The following ZDHHC17 variants were observed in gnomAD, a reference collection of about 807,000 sequenced individuals.
The protein encoded by ZDHHC17 is zDHHC palmitoyltransferase 17.
Under a neutral mutation model 90.3 loss-of-function variants are expected in ZDHHC17, and 40 were observed. The observed-to-expected ratio is 0.44, with a 90% CI of 0.34 to 0.58. ZDHHC17 has a LOEUF of 0.58. Among genes scored for constraint, ZDHHC17 ranks in the 20% least tolerant of loss-of-function variants. The pLI is 0.01. For missense variants in ZDHHC17, 614 were observed against 780.8 expected, an observed-to-expected ratio of 0.79 and a Z score of 2.55; for synonymous variants, 235 against 252.4, an observed-to-expected ratio of 0.93 and a Z score of 0.65.
intron 1 of ZDHHC17, chr12:76,769,084 G>T (rs1254113597): frequency 1.9e-5 from 8 of 426,148 alleles, no homozygotes; most frequent in Admixed American, 1.0e-4. Flanking sequence ...TTGAGATGGA[G>T]TTGCGCTCTT....
chr12:76,831,946 CAGTT>C (rs796297795), intron 10 of ZDHHC17, among the ~76,000 whole-genome samples: 1 of 152,146 alleles, frequency 6.6e-6, no homozygotes, highest in Non-Finnish European at 1.5e-5. Context: ...GCCTAGCTCA[CAGTT>C]TGTTTGAACA....
intron 10 of ZDHHC17, among the ~76,000 whole-genome samples, chr12:76,833,867 A>G (rs957835191): frequency 3.3e-5 from 5 of 152,286 alleles, no homozygotes; most frequent in East Asian, 1.9e-4. Context: ...ATGTAAGACC[A>G]AAGATTTATT....
chr12:76,774,050 G>C (rs1272526572), intron 1 of ZDHHC17, among the ~76,000 whole-genome samples: 1 of 152,074 alleles, frequency 6.6e-6, no homozygotes, highest in East Asian at 1.9e-4. Context: ...AGCAATTCCA[G>C]ACCAGCCTGG....
intron 10 of ZDHHC17, among the ~76,000 whole-genome samples, chr12:76,837,935 A>G (rs2137798398): frequency 6.6e-6 from 1 of 152,198 alleles, no homozygotes; most frequent in South Asian, 2.1e-4. Context: ...TTATAGGTGC[A>G]TGCCACCATG....
At chr12:76,807,708 G>C (rs773545297) in intron 3 of ZDHHC17, among the ~76,000 whole-genome samples, 6 of 152,100 alleles carry the variant, frequency 3.9e-5, no homozygotes, top group Non-Finnish European at 5.9e-5. Flanking sequence ...TCACTGACAT[G>C]GACCTAGTGA....
intron 7 of ZDHHC17, among the ~76,000 whole-genome samples, chr12:76,820,052 T>G (rs1361766811): frequency 6.6e-6 from 1 of 151,944 alleles, no homozygotes; most frequent in Non-Finnish European, 1.5e-5. Flanking sequence ...TTAAAATTGC[T>G]GTTTTCATCT....
intron 1 of ZDHHC17, among the ~76,000 whole-genome samples, chr12:76,786,471 G>A (rs1000749453): frequency 1.3e-5 from 2 of 152,014 alleles, no homozygotes; most frequent in African/African-American, 2.4e-5. Context: ...GGTCACACTG[G>A]TCTTGAACTC....
chr12:76,779,419 G>A (rs1318404537), intron 1 of ZDHHC17, among the ~76,000 whole-genome samples: 1 of 152,144 alleles, frequency 6.6e-6, no homozygotes, highest in African/African-American at 2.4e-5. Flanking sequence ...GCAAAGTCAC[G>A]TCTTACATGG....
rs921204587 is a variant in ZDHHC17 at position 76,831,625 on chromosome 12, C to T, written c.1141+3135C>T. On this transcript the variant is annotated intron_variant, in intron 10 of 16. Transcript: ENST00000426126. ...TCGGTCTTCCAAAGTGCTGGGATTA[C>T]AGGCGTGAGCCACTGTGCCTGGCCT... 2.0e-5 allele frequency among the ~76,000 whole-genome samples: 3 copies of T among 152,194 alleles called. No individual in the cohort carries two copies. The East Asian group carries it at 5.8e-4, about 29-fold the overall frequency.
rs536981651 is a variant in ZDHHC17, at chr12:76,815,836, T to G, written c.609-21T>G. On this transcript the variant is annotated intron_variant, in intron 6 of 16. Transcript: ENST00000426126. ...ATTAGGGTTGTTGTTGTTGTTTGTT[T>G]TTTTTTTTTTTCCTTTTCAGTGTGG... 86 of 1,435,600 alleles carry G rather than the reference T, an allele frequency of 6.0e-5. No individual in the cohort carries two copies. In the East Asian group the frequency reaches 1.9e-3, roughly 31 times the overall value. The allele number at this position is 1,435,600 out of a possible 1,614,324, so 88.9% of individuals were successfully genotyped here.
chr12:76,787,346 A>G (rs921994576), intron 1 of ZDHHC17, among the ~76,000 whole-genome samples: 2 of 152,196 alleles, frequency 1.3e-5, no homozygotes, highest in African/African-American at 4.8e-5. Context: ...AATTGGCCAT[A>G]TTCTATAATG....
At chr12:76,822,660 T>C in intron 8 of ZDHHC17, 129 bp downstream of exon 8, 3 of 703,966 alleles carry the variant, frequency 4.3e-6, no homozygotes, top group Non-Finnish European at 4.8e-6. Flanking sequence ...TTTAAAGTGA[T>C]TCTTGTGCCT....
intron 10 of ZDHHC17, among the ~76,000 whole-genome samples, chr12:76,839,035 C>A (rs1050866401): frequency 1.3e-5 from 2 of 152,168 alleles, no homozygotes; most frequent in Non-Finnish European, 2.9e-5. Flanking sequence ...TTGCTGTGTT[C>A]TCACATGGTG....
At chr12:76,771,914 A>C (rs1952496894) in intron 1 of ZDHHC17, among the ~76,000 whole-genome samples, 1 of 152,150 alleles carries the variant, frequency 6.6e-6, no homozygotes, top group African/African-American at 2.4e-5. Flanking sequence ...AATCAAACAC[A>C]ACTGGAACCT....
chr12:76,801,994 G>C (rs912979908), intron 2 of ZDHHC17, among the ~76,000 whole-genome samples: 5 of 152,078 alleles, frequency 3.3e-5, no homozygotes, highest in African/African-American at 1.2e-4. Flanking sequence ...ACAAATTATT[G>C]TTACGTCATA....
At chr12:76,795,997 G>T (rs1952815221) in intron 1 of ZDHHC17, among the ~76,000 whole-genome samples, 1 of 152,132 alleles carries the variant, frequency 6.6e-6, no homozygotes, top group Admixed American at 6.5e-5. Context: ...TATATGCTAA[G>T]CAGAATTTGC....
At chr12:76,850,512 G>A (rs908666020) in intron 16 of ZDHHC17, among the ~76,000 whole-genome samples, 8 of 152,020 alleles carry the variant, frequency 5.3e-5, no homozygotes, top group African/African-American at 1.9e-4. Flanking sequence ...TGAGCCCAGA[G>A]TTCGAGGCCA....
intron 1 of ZDHHC17, among the ~76,000 whole-genome samples, chr12:76,787,414 T>C (rs1031712671): frequency 1.3e-5 from 2 of 152,310 alleles, no homozygotes; most frequent in South Asian, 4.1e-4. Context: ...CCATATACAG[T>C]GTTATGCATT....
Position 76,809,758 on chromosome 12 carries a change from A to G in ZDHHC17, c.444A>G (p.Ala148=). ...SMVVQLMKYG[A]DPSLIDGEGC... ...TTGTGCAACTAATGAAATATGGTGC[A>G]GATCCTTCATTAATTGATGGAGAAG... The change falls in exon 5 of 17, where the codon GCA becomes GCG. Residue 148 remains alanine, a synonymous_variant. Transcript: ENST00000426126. 1 of 1,599,456 alleles carries G rather than the reference A, an allele frequency of 6.3e-7. No individual in the cohort carries two copies. Among genetic ancestry groups the G allele is most frequent in the Non-Finnish European group, 8.5e-7 (1 of 1,173,356 alleles).
Sources: allele counts gnomAD v4.1 joint callset (sites outside exome capture counted in the v4.1 genomes callset), GRCh38; gene constraint gnomAD v4.1.1; transcripts MANE v1.5; gene names NCBI Gene and HGNC (gene_info 2026-07-23, HGNC 2026-07-21).